CLASP2: variants seen among roughly 807,000 people sequenced by gnomAD.
The protein encoded by CLASP2 is cytoplasmic linker associated protein 2.
In CLASP2, 47 loss-of-function variants were observed where a neutral mutation model predicts 194.4. The ratio of observed to expected loss-of-function variants is 0.24; its 90% CI spans 0.19 to 0.31. CLASP2 has a LOEUF of 0.31. Ranked by LOEUF, CLASP2 falls within the 10% of genes least tolerant of loss-of-function variation. The probability of loss-of-function intolerance (pLI) is 1.00; values close to 1 mark genes in which losing one functional copy is unlikely to be tolerated. For synonymous variants in CLASP2, 619 were observed against 633.5 expected, an observed-to-expected ratio of 0.98 and a Z score of 0.34; for missense variants, 1,445 against 1,823.6, an observed-to-expected ratio of 0.79 and a Z score of 3.78.
At chr3:33,709,425 A>T in intron 1 of CLASP2, among the ~76,000 whole-genome samples, 1 of 152,116 alleles carries the variant, frequency 6.6e-6, no homozygotes, top group East Asian at 1.9e-4. Context: ...AGTTGACTAT[A>T]TATGTGTGGA....
intron 6 of CLASP2, among the ~76,000 whole-genome samples, chr3:33,672,349 C>T (rs901894184): frequency 5.9e-5 from 9 of 152,180 alleles, no homozygotes; most frequent in African/African-American, 2.2e-4. Flanking sequence ...TGGAGTGGAC[C>T]TCTAGCAAAT....
At chr3:33,629,795 G>GA (rs112417294) in intron 9 of CLASP2, among the ~76,000 whole-genome samples, 1,672 of 139,870 alleles carry the variant, frequency 0.012, 11 homozygotes, top group Non-Finnish European at 0.016. Flanking sequence ...ACTTTGCTAT[G>GA]AAAAAAAAAA....
intron 6 of CLASP2, 118 bp from the exon 7 acceptor site, chr3:33,663,633 T>A: frequency 1.5e-6 from 1 of 663,236 alleles, no homozygotes; most frequent in Non-Finnish European, 2.6e-6. Context: ...GCTAGTTTTC[T>A]ATACAACTCT....
At chr3:33,597,144 G>A (rs1339599139) in intron 18 of CLASP2, among the ~76,000 whole-genome samples, 1 of 151,942 alleles carries the variant, frequency 6.6e-6, no homozygotes, top group Non-Finnish European at 1.5e-5. Flanking sequence ...CTCATCATTA[G>A]CCTCTGTTTA....
intron 36 of CLASP2, chr3:33,514,722 CAGGT>C (rs1178081590): frequency 3.0e-6 from 1 of 331,754 alleles, no homozygotes; most frequent in Non-Finnish European, 6.1e-6. Flanking sequence ...TACTTGCACA[CAGGT>C]GTTTATAGCA....
rs1159194523 is a variant in CLASP2 at position 33,526,258 on chromosome 3, C to T, written c.3787+8975G>A. ...CAAAGTGCTCAGATGTCATAATACACAGAGACTCAAAATAAAGGTATGGAG... is the reference window on the plus strand; with the variant it reads ...CAAAGTGCTCAGATGTCATAATACATAGAGACTCAAAATAAAGGTATGGAG... On this transcript the variant is annotated intron_variant, in intron 34 of 38. Transcript: ENST00000682230. 2.6e-5 allele frequency among the ~76,000 whole-genome samples: 4 copies of T among 151,906 alleles called. 1 individual carries two copies. Among genetic ancestry groups the T allele is most frequent in the Admixed American group, 2.6e-4 (4 of 15,240 alleles).
intron 13 of CLASP2, among the ~76,000 whole-genome samples, chr3:33,610,002 T>C (rs189180892): frequency 5.1e-4 from 78 of 152,320 alleles, no homozygotes; most frequent in Non-Finnish European, 9.0e-4. Flanking sequence ...ACCCTCCTCA[T>C]CTATATCCAA....
intron 1 of CLASP2, among the ~76,000 whole-genome samples, chr3:33,707,535 C>T (rs2092746544): frequency 6.6e-6 from 1 of 152,056 alleles, no homozygotes; most frequent in South Asian, 2.1e-4. Context: ...AATGAATTAA[C>T]AGATCTAGAC....
chr3:33,560,717 A>G (rs1028616270), intron 28 of CLASP2, 91 bp downstream of exon 28: 13 of 1,143,376 alleles, frequency 1.1e-5, no homozygotes, highest in Non-Finnish European at 1.7e-5. Flanking sequence ...TAAATTGTTC[A>G]AAGGGACCCA....
intron 18 of CLASP2, among the ~76,000 whole-genome samples, chr3:33,597,381 G>C (rs2070710974): frequency 6.6e-6 from 1 of 152,146 alleles, no homozygotes; most frequent in Non-Finnish European, 1.5e-5. Flanking sequence ...TAGCAGGACT[G>C]ATATTGTTCT....
rs888323490 is a variant in CLASP2 at position 33,633,930 on chromosome 3, A to G, written c.863-1559T>C. 3.3e-5 allele frequency among the ~76,000 whole-genome samples: 5 copies of G among 152,224 alleles called. No individual in the cohort carries two copies. In the South Asian group the frequency reaches 1.0e-3, roughly 32 times the overall value. On this transcript the variant is annotated intron_variant, in intron 8 of 38. Transcript: ENST00000682230. ...ATATGTCTATTGGGGTGTCTTAAAGATATTTAACAAGAGATAACAGCTGTG... is the reference window on the plus strand; with the variant it reads ...ATATGTCTATTGGGGTGTCTTAAAGGTATTTAACAAGAGATAACAGCTGTG...
At chr3:33,522,586 A>C (rs757981042) in intron 34 of CLASP2, among the ~76,000 whole-genome samples, 1 of 152,254 alleles carries the variant, frequency 6.6e-6, no homozygotes, top group Non-Finnish European at 1.5e-5. Flanking sequence ...CCCTTGAAAA[A>C]GATCTGATGG....
chr3:33,692,027 G>A (rs1276137443), intron 2 of CLASP2, among the ~76,000 whole-genome samples: 4 of 152,056 alleles, frequency 2.6e-5, no homozygotes, highest in South Asian at 2.1e-4. Flanking sequence ...AAAATTAGCC[G>A]AGCGTGATGA....
intron 25 of CLASP2, among the ~76,000 whole-genome samples, chr3:33,571,182 T>G (rs2063695098): frequency 6.6e-6 from 1 of 150,954 alleles, no homozygotes; most frequent in Non-Finnish European, 1.5e-5. Context: ...CCCAGCTAAT[T>G]TTTTGTATTT....
chr3:33,664,161 G>GA (rs1287743645), intron 6 of CLASP2, among the ~76,000 whole-genome samples: 3 of 152,014 alleles, frequency 2.0e-5, no homozygotes, highest in East Asian at 1.9e-4. Flanking sequence ...TAGGAACAAA[G>GA]AAAAAACCAC....
At chr3:33,696,360 T>TC (rs921459336) in intron 2 of CLASP2, among the ~76,000 whole-genome samples, 2 of 146,530 alleles carry the variant, frequency 1.4e-5, no homozygotes, top group Non-Finnish European at 3.0e-5. Flanking sequence ...TTTCTTTTTT[T>TC]TTTTTTTTTT....
intron 7 of CLASP2, among the ~76,000 whole-genome samples, chr3:33,658,704 T>A (rs2084741740): frequency 6.6e-6 from 1 of 152,186 alleles, no homozygotes; most frequent in African/African-American, 2.4e-5. Flanking sequence ...TATCCCTTCA[T>A]ATCTACCACC....
chr3:33,690,392 G>T (rs2091210794), intron 2 of CLASP2, among the ~76,000 whole-genome samples: 1 of 152,022 alleles, frequency 6.6e-6, no homozygotes, highest in Admixed American at 6.6e-5. Context: ...GTAAATGTGG[G>T]TAGCAGTACT....
intron 29 of CLASP2, among the ~76,000 whole-genome samples, chr3:33,556,538 C>G (rs547985563): frequency 2.0e-5 from 3 of 151,496 alleles, no homozygotes; most frequent in Non-Finnish European, 4.4e-5. Context: ...TGGGTTCAAG[C>G]GATTCTCCTG....
Sources: gnomAD v4.1 joint callset for allele counts (sites outside exome capture counted in the v4.1 genomes callset) on GRCh38, gnomAD v4.1.1 for gene constraint, MANE v1.5 for transcripts, NCBI Gene and HGNC (gene_info 2026-07-23, HGNC 2026-07-21) for gene names.